Variants in PHEX observed in about 807,000 individuals in gnomAD.
PHEX encodes the protein phosphate regulating endopeptidase X-linked.
Under a neutral mutation model 68.0 loss-of-function variants are expected in PHEX, and 16 were observed. That is an observed-to-expected ratio of 0.24 (90% CI 0.16 to 0.36). The LOEUF is 0.36. Ranked by LOEUF, PHEX falls within the 10% of genes least tolerant of loss-of-function variation. The probability of loss-of-function intolerance (pLI) is 1.00; values close to 1 mark genes in which losing one functional copy is unlikely to be tolerated. For missense variants in PHEX, 480 were observed against 575.5 expected (o/e 0.83, Z 1.70); for synonymous variants, 208 against 205.1 (o/e 1.01, Z -0.12).
chrX:22,149,894 C>CAG (rs1329952681), intron 12 of PHEX, among the ~76,000 whole-genome samples: 14 of 111,369 alleles, frequency 1.3e-4, no homozygotes, highest in African/African-American at 3.9e-4. Flanking sequence ...AGAATCTCAT[C>CAG]AGAGAGAGAG....
intron 5 of PHEX, among the ~76,000 whole-genome samples, chrX:22,078,850 T>C (rs749508197): frequency 2.7e-5 from 3 of 111,647 alleles, no homozygotes; most frequent in Middle Eastern, 4.2e-3. Flanking sequence ...AAATCTTTGG[T>C]CATTGAAAGG....
At position 22,036,717 on chromosome X, in the gene PHEX, A is replaced by T. The variant is rs186728380; in HGVS notation, c.119-1752A>T. ...ACTAATCTTTATGCTGCCCATATAT[A>T]TTTTTTTACATAACTTTTTTTTTTT... On this transcript the variant is annotated intron_variant, in intron 1 of 21. Transcript: ENST00000379374. Among the ~76,000 whole-genome samples, 728 of 99,492 alleles carry T rather than the reference A, an allele frequency of 7.3e-3. 11 individuals carry two copies. Among genetic ancestry groups the T allele is most frequent in the African/African-American group, 0.026 (689 of 26,832 alleles). The allele number at this position is 99,492 out of a possible 115,157, so 86.4% of individuals were successfully genotyped here. A position where few individuals can be genotyped will look rare whatever the true frequency, so the allele number is the denominator to read the frequency against.
intron 3 of PHEX, among the ~76,000 whole-genome samples, chrX:22,060,944 CTGTT>C (rs888916179): frequency 1.8e-5 from 2 of 111,708 alleles, no homozygotes; most frequent in Admixed American, 9.6e-5. Context: ...AAGAGGATGA[CTGTT>C]TGGAAAGGAA....
rs369956627 is a variant in PHEX, at chrX:22,230,518, T to C, written c.2070+2907T>C. 5.5e-5 allele frequency among the ~76,000 whole-genome samples: 6 copies of C among 109,508 alleles called. No individual in the cohort carries two copies. In the South Asian group the frequency reaches 1.2e-3, roughly 22 times the overall value. On this transcript the variant is annotated intron_variant, in intron 20 of 21. Coordinates refer to ENST00000379374, the MANE Select transcript of PHEX (RefSeq NM_000444.6). ...ATCCCTTGTAAGTTGTATTCCTAGG[T>C]GGTTTATTCTCTTAGTGGCAATTGT... is the stretch of plus-strand genomic sequence containing the variant.
rs369953385 is a variant in PHEX at position 22,047,228 on chromosome X, G to A, written c.349+17G>A. 1 of 1,177,964 alleles carries A rather than the reference G, an allele frequency of 8.5e-7. No individual in the cohort carries two copies. Among genetic ancestry groups the A allele is most frequent in the African/African-American group, 1.7e-5 (1 of 57,242 alleles). On this transcript the variant is annotated intron_variant, in intron 3 of 21. Transcript: ENST00000379374. ...AGTTGAAGGGTAAGTTTCTACTGGG[G>A]TTTGGTGATACACTTTATAGAGAGC...
At chrX:22,217,627 C>A (rs913590110) in intron 16 of PHEX, among the ~76,000 whole-genome samples, 2 of 111,963 alleles carry the variant, frequency 1.8e-5, no homozygotes, top group African/African-American at 6.5e-5. Context: ...AGAATCTTCA[C>A]AATAAGGATT....
intron 11 of PHEX, among the ~76,000 whole-genome samples, chrX:22,123,304 G>A (rs1216272883): frequency 9.0e-6 from 1 of 110,606 alleles, no homozygotes; most frequent in African/African-American, 3.3e-5. Flanking sequence ...TTAATGAGAG[G>A]ATCTGCAAAG....
At chrX:22,132,385 G>T (rs1303929885) in intron 11 of PHEX, among the ~76,000 whole-genome samples, 1 of 111,802 alleles carries the variant, frequency 8.9e-6, no homozygotes, top group East Asian at 2.8e-4. Context: ...TGAGATTATA[G>T]GGGTGAGCCA....
At chrX:22,240,198 T>C (rs751344797) in intron 20 of PHEX, among the ~76,000 whole-genome samples, 2 of 112,001 alleles carry the variant, frequency 1.8e-5, no homozygotes, top group South Asian at 7.5e-4. Context: ...GCTGAGAGAT[T>C]TTGTCACCAC....
At chrX:22,117,526 A>G (rs994450774) in intron 11 of PHEX, among the ~76,000 whole-genome samples, 1 of 111,730 alleles carries the variant, frequency 9.0e-6, no homozygotes, top group Non-Finnish European at 1.9e-5. Flanking sequence ...TCAGATAATC[A>G]CAGTAGTAAT....
chrX:22,242,524 A>G (rs988545193), intron 20 of PHEX, among the ~76,000 whole-genome samples: 2 of 111,764 alleles, frequency 1.8e-5, no homozygotes, highest in Non-Finnish European at 3.8e-5. Context: ...TATATTAAGA[A>G]AACCCCATCG....
chrX:22,084,645 G>A (rs751148411), intron 5 of PHEX, among the ~76,000 whole-genome samples: 4 of 100,812 alleles, frequency 4.0e-5, no homozygotes, highest in Admixed American at 2.3e-4. Flanking sequence ...GCTTTTCTTT[G>A]ATGGGAGACC....
intron 15 of PHEX, among the ~76,000 whole-genome samples, chrX:22,200,733 C>T (rs1934523683): frequency 8.9e-6 from 1 of 111,920 alleles, no homozygotes; most frequent in Admixed American, 9.5e-5. Flanking sequence ...CCCCCTCACC[C>T]ATGCTGCTCG....
intron 11 of PHEX, among the ~76,000 whole-genome samples, chrX:22,120,298 A>G (rs1013093841): frequency 9.0e-6 from 1 of 111,562 alleles, no homozygotes; most frequent in African/African-American, 3.3e-5. Context: ...AGCCCAGACA[A>G]TCTACATGGA....
At chrX:22,035,254 G>A (rs760193936) in intron 1 of PHEX, among the ~76,000 whole-genome samples, 6 of 111,342 alleles carry the variant, frequency 5.4e-5, no homozygotes, top group Admixed American at 9.6e-5. Flanking sequence ...AGTGGCTTCT[G>A]AGAAGCTACA....
At chrX:22,189,405 ATAAT>A (rs2147138097) in intron 14 of PHEX, among the ~76,000 whole-genome samples, 1 of 111,615 alleles carries the variant, frequency 9.0e-6, no homozygotes, top group South Asian at 3.8e-4. Context: ...TCATCCCAAA[ATAAT>A]TCCGTTATTC....
intron 20 of PHEX, among the ~76,000 whole-genome samples, chrX:22,229,390 C>CTCTACAGCATCTGTTGTTT (rs1302102564): frequency 8.9e-6 from 1 of 112,003 alleles, no homozygotes; most frequent in African/African-American, 3.3e-5. Flanking sequence ...TCTCTACATC[C>CTCTACAGCATCTGTTGTTT]TCTACAGCAT....
chrX:22,082,751 G>A (rs1296989158), intron 5 of PHEX, among the ~76,000 whole-genome samples: 3 of 111,806 alleles, frequency 2.7e-5, no homozygotes. Flanking sequence ...TGTTGCAATT[G>A]TTTTGGGCAT....
chrX:22,140,125 G>GCTCT (rs1485852703), intron 12 of PHEX, among the ~76,000 whole-genome samples: 2 of 111,678 alleles, frequency 1.8e-5, no homozygotes, highest in African/African-American at 6.5e-5. Context: ...TGCTTTGAGA[G>GCTCT]CTCTAGGTGA....
Sources: allele counts gnomAD v4.1 joint callset (sites outside exome capture counted in the v4.1 genomes callset), GRCh38; gene constraint gnomAD v4.1.1; transcripts MANE v1.5; gene names NCBI Gene and HGNC (gene_info 2026-07-23, HGNC 2026-07-21).